The following GDPD1 variants were observed in gnomAD, a reference collection of about 807,000 sequenced individuals.
GDPD1 encodes the protein glycerophosphodiester phosphodiesterase domain containing 1, also known as lysophospholipase D GDPD1.
Under a neutral mutation model 45.1 loss-of-function variants are expected in GDPD1, and 28 were observed. That is an observed-to-expected ratio of 0.62 (90% CI 0.46 to 0.85). The LOEUF (loss-of-function observed/expected upper bound fraction) is 0.85, where lower values mean the gene tolerates loss of function less well. GDPD1 is among the 40% of genes least tolerant of loss of function. GDPD1 has a pLI of 0.00. For synonymous variants in GDPD1, 139 were observed against 131.4 expected, an observed-to-expected ratio of 1.06 and a Z score of -0.40; for missense variants, 256 against 364.8, an observed-to-expected ratio of 0.70 and a Z score of 2.43.
intron 2 of GDPD1, among the ~76,000 whole-genome samples, chr17:59,240,472 A>G (rs1472406747): frequency 6.6e-6 from 1 of 151,988 alleles, no homozygotes; most frequent in Non-Finnish European, 1.5e-5. Flanking sequence ...CTAAATAGGT[A>G]TTTTTTAAAT....
intron 4 of GDPD1, among the ~76,000 whole-genome samples, chr17:59,255,761 AAATATATATAT>A (rs1355068694): frequency 1.3e-5 from 1 of 76,880 alleles, no homozygotes; most frequent in Non-Finnish European, 2.3e-5. Context: ...AAAAAAAAAA[AAATATATATAT>A]ATATATATAT....
intron 2 of GDPD1, among the ~76,000 whole-genome samples, chr17:59,240,302 T>G (rs1194705681): frequency 6.7e-6 from 1 of 149,742 alleles, no homozygotes; most frequent in Non-Finnish European, 1.5e-5. Context: ...AAAAAAAAAA[T>G]AAGAAGTTTA....
chr17:59,223,540 TA>T (rs1402029323), intron 1 of GDPD1, among the ~76,000 whole-genome samples: 1 of 152,216 alleles, frequency 6.6e-6, no homozygotes, highest in Admixed American at 6.5e-5. Flanking sequence ...ACACGGATAA[TA>T]GCAATCACTG....
chr17:59,226,876 T>C lies in GDPD1; in HGVS notation c.142+6125T>C, dbSNP rs1316478714. Among the ~76,000 whole-genome samples, 6 of 151,578 alleles carry C rather than the reference T, an allele frequency of 4.0e-5. No homozygotes were observed. The East Asian group carries it at 1.2e-3, about 30-fold the overall frequency. ...TTGTATTTTTAGTAGAGACGGGGTT[T>C]CACCATGTTGGCCAGGCTGGTCTTG... is the stretch of plus-strand genomic sequence containing the variant. On this transcript the variant is annotated intron_variant, in intron 1 of 9. Coordinates refer to ENST00000284116, the MANE Select transcript of GDPD1 (RefSeq NM_182569.4).
intron 2 of GDPD1, among the ~76,000 whole-genome samples, chr17:59,238,961 C>A (rs2047155480): frequency 6.6e-6 from 1 of 152,190 alleles, no homozygotes; most frequent in Non-Finnish European, 1.5e-5. Context: ...CCACTAAACC[C>A]TTGAGTATGT....
At chr17:59,267,302 A>G in intron 7 of GDPD1, 128 bp downstream of exon 7, 1 of 770,858 alleles carries the variant, frequency 1.3e-6, no homozygotes, top group Non-Finnish European at 2.1e-6. Flanking sequence ...CTATTACCTG[A>G]CCTATATTAT....
intron 2 of GDPD1, among the ~76,000 whole-genome samples, chr17:59,244,784 C>T (rs1258988645): frequency 6.6e-6 from 1 of 151,872 alleles, no homozygotes; most frequent in African/African-American, 2.4e-5. Context: ...TCACATGAGC[C>T]CAGGAGTTCA....
chr17:59,240,517 G>A (rs979781369), intron 2 of GDPD1, among the ~76,000 whole-genome samples: 1 of 152,018 alleles, frequency 6.6e-6, no homozygotes, highest in Non-Finnish European at 1.5e-5. Flanking sequence ...GTCTCACTTT[G>A]TCTCTTAGGC....
At chr17:59,223,854 T>C (rs2047024847) in intron 1 of GDPD1, among the ~76,000 whole-genome samples, 1 of 152,184 alleles carries the variant, frequency 6.6e-6, no homozygotes, top group African/African-American at 2.4e-5. Flanking sequence ...GAGGTTGCAG[T>C]GAGCCGAGAT....
intron 3 of GDPD1, among the ~76,000 whole-genome samples, chr17:59,247,425 T>C (rs368545788): frequency 8.8e-4 from 134 of 152,324 alleles, no homozygotes; most frequent in African/African-American, 3.1e-3. Context: ...ATGTTTTTGC[T>C]GTTTCCATAG....
chr17:59,268,977 G>C (rs532394498), intron 7 of GDPD1, among the ~76,000 whole-genome samples: 2 of 151,664 alleles, frequency 1.3e-5, no homozygotes, highest in African/African-American at 4.8e-5. Flanking sequence ...GCGACAGAGC[G>C]AGACTCCTTC....
chr17:59,274,256 T>C lies in GDPD1; in HGVS notation c.*483T>C, dbSNP rs536045360. ...GGCTGAGTGTGGTGGCTCATGCCTG[T>C]AATCCCAGCACTTTGGGAGGCTGAG... On this transcript the variant is annotated 3_prime_UTR_variant, in exon 10 of 10. Transcript: ENST00000284116. 37 of 666,402 alleles carry C rather than the reference T, an allele frequency of 5.6e-5. No individual in the cohort carries two copies. The East Asian group carries it at 4.5e-3, about 81-fold the overall frequency. The allele number at this position is 666,402 out of a possible 1,614,324, so 41.3% of individuals were successfully genotyped here.
intron 1 of GDPD1, among the ~76,000 whole-genome samples, chr17:59,225,263 A>AT (rs1426803442): frequency 1.3e-5 from 2 of 150,426 alleles, no homozygotes; most frequent in African/African-American, 4.9e-5. Flanking sequence ...GCTAATTTTT[A>AT]TTTTTTATTT....
chr17:59,242,163 C>G (rs1414951636), intron 2 of GDPD1, among the ~76,000 whole-genome samples: 1 of 151,970 alleles, frequency 6.6e-6, no homozygotes, highest in Non-Finnish European at 1.5e-5. Context: ...CCTGGGTTCA[C>G]GAGATTCTTC....
chr17:59,239,560 G>C (rs2047159639), intron 2 of GDPD1, among the ~76,000 whole-genome samples: 1 of 151,378 alleles, frequency 6.6e-6, no homozygotes, highest in Non-Finnish European at 1.5e-5. Flanking sequence ...ATCAAATTTG[G>C]GATAATTTTA....
chr17:59,257,630 T>C, intron 5 of GDPD1, 121 bp from the exon 6 acceptor site: 2 of 637,192 alleles, frequency 3.1e-6, no homozygotes, highest in Non-Finnish European at 5.5e-6. Flanking sequence ...TACATATTGA[T>C]TCTTCCAAAA....
At chr17:59,257,006 C>G (rs992769552) in intron 4 of GDPD1, 116 bp from the exon 5 acceptor site, 6 of 503,758 alleles carry the variant, frequency 1.2e-5, no homozygotes, top group Non-Finnish European at 2.1e-5. Context: ...TTTTTCTTCT[C>G]TATACTTTTC....
intron 1 of GDPD1, among the ~76,000 whole-genome samples, chr17:59,223,156 A>G (rs2047019223): frequency 6.6e-6 from 1 of 152,142 alleles, no homozygotes; most frequent in Non-Finnish European, 1.5e-5. Context: ...ATACTTTAAA[A>G]CTATTTTCTT....
At chr17:59,230,400 T>TTA (rs2047080043) in intron 1 of GDPD1, among the ~76,000 whole-genome samples, 4 of 138,916 alleles carry the variant, frequency 2.9e-5, no homozygotes, top group Non-Finnish European at 6.3e-5. Flanking sequence ...TTTTTTTTTT[T>TTA]AGATGGAGTT....
Sources: allele counts gnomAD v4.1 joint callset (sites outside exome capture counted in the v4.1 genomes callset), GRCh38; gene constraint gnomAD v4.1.1; transcripts MANE v1.5; gene names NCBI Gene and HGNC (gene_info 2026-07-23, HGNC 2026-07-21).